The following KCNJ13 variants were observed in gnomAD, a reference collection of about 807,000 sequenced individuals.
KCNJ13 encodes inward rectifier potassium channel 13.
KCNJ13 carries 9 observed loss-of-function variants against 24.6 expected under a neutral mutation model. That is an observed-to-expected ratio of 0.37 (90% CI 0.22 to 0.64). The LOEUF (loss-of-function observed/expected upper bound fraction) is 0.64, where lower values mean the gene tolerates loss of function less well. Ranked by LOEUF, KCNJ13 falls within the 30% of genes least tolerant of loss-of-function variation. KCNJ13 has a pLI of 0.64. For synonymous variants in KCNJ13, 148 were observed against 154.7 expected (o/e 0.96, Z 0.32); for missense variants, 337 against 443.8 (o/e 0.76, Z 2.16).
At chr2:232,775,906 A>G (rs1699491563) in intron 1 of KCNJ13, among the ~76,000 whole-genome samples, 1 of 152,212 alleles carries the variant, frequency 6.6e-6, no homozygotes, top group Non-Finnish European at 1.5e-5. Context: ...GGCAAACACT[A>G]TTGAGTTCTA....
chr2:232,773,811 G>A (rs1051123057), intron 1 of KCNJ13, among the ~76,000 whole-genome samples: 2 of 150,884 alleles, frequency 1.3e-5, no homozygotes, highest in Non-Finnish European at 2.9e-5. Context: ...TTAAAAACGT[G>A]TCTGGCTCCC....
rs80042330 is a variant in KCNJ13 at position 232,766,556 on chromosome 2, A to G, written c.*1635T>C. On this transcript the variant is annotated 3_prime_UTR_variant, in exon 3 of 3. Coordinates refer to ENST00000233826, the MANE Select transcript of KCNJ13 (RefSeq NM_002242.4). ...ATTCTTGCTGTCTTTATGTGTTACA[A>G]TAGTCTTGGGTTGGGAAAATCTGTT... 0.013 allele frequency: 1,947 copies of G among 152,516 alleles called. 18 individuals carry two copies. The highest frequency in any genetic ancestry group is 0.021 in the Non-Finnish European group (1,443 of 68,228). The allele number at this position is 152,516 out of a possible 1,614,324, so 9.4% of individuals were successfully genotyped here.
intron 1 of KCNJ13, among the ~76,000 whole-genome samples, chr2:232,773,178 T>C (rs1422184808): frequency 6.6e-6 from 1 of 152,204 alleles, no homozygotes; most frequent in Non-Finnish European, 1.5e-5. Context: ...GTGTATTCTT[T>C]TTTCTTGGCA....
At position 232,767,901 on chromosome 2, in the gene KCNJ13, A is replaced by G. The variant is rs191388517; in HGVS notation, c.*290T>C. On this transcript the variant is annotated 3_prime_UTR_variant, in exon 3 of 3. Transcript: ENST00000233826. ...AAACTTCACTGTCCATTTTGCCTTCATTACTAGTATCATACCACATTCTTA... is the reference window on the plus strand; with the variant it reads ...AAACTTCACTGTCCATTTTGCCTTCGTTACTAGTATCATACCACATTCTTA... 53 of 377,224 alleles carry G rather than the reference A, an allele frequency of 1.4e-4. No individual in the cohort carries two copies. The East Asian group carries it at 3.0e-3, about 21-fold the overall frequency. The allele number at this position is 377,224 out of a possible 1,614,324, so 23.4% of individuals were successfully genotyped here.
At chr2:232,774,034 C>A (rs1699398714) in intron 1 of KCNJ13, among the ~76,000 whole-genome samples, 1 of 150,850 alleles carries the variant, frequency 6.6e-6, no homozygotes, top group Non-Finnish European at 1.5e-5. Context: ...GTAACACTAG[C>A]ACTTTGGGAC....
In KCNJ13 at chr2:232,768,307, G is replaced by C. The variant is rs1196144448; in HGVS notation, c.967C>G (p.Pro323Ala). The change falls in exon 3 of 3, where the codon CCT (proline) becomes GCT (alanine). Residue 323 changes from proline to alanine, a missense_variant. Physicochemically the swap from Pro to Ala is conservative, Grantham distance 27. Coordinates refer to ENST00000233826, the MANE Select transcript of KCNJ13 (RefSeq NM_002242.4). Reference protein sequence around the residue: ...IKMENFDKTVPEFPTPLVSKS... With the variant: ...IKMENFDKTVAEFPTPLVSKS... ...GAAACCAGAGGAGTTGGAAATTCAG[G>C]GACAGTCTTGTCAAAATTCTCCATC... is the stretch of plus-strand genomic sequence containing the variant. 6.2e-7 allele frequency: 1 copy of C among 1,614,102 alleles called. No homozygotes were observed. Among genetic ancestry groups the C allele is most frequent in the Non-Finnish European group, 8.5e-7 (1 of 1,180,002 alleles).
chr2:232,774,880 C>G (rs1476881598), intron 1 of KCNJ13, among the ~76,000 whole-genome samples: 1 of 152,154 alleles, frequency 6.6e-6, no homozygotes, highest in Non-Finnish European at 1.5e-5. Flanking sequence ...TAGACTGTAG[C>G]TAACAAAATT....
rs757867220 is a variant in KCNJ13, at chr2:232,768,626, T to A, written c.648A>T (p.Lys216Asn). ...GGAAATCCACACTGGTCTGGTAGAG[T>A]TTGCCATTTTCTCTTTCCTGATAGA... Reference protein sequence around the residue: ...AVLYQERENGKLYQTSVDFHL... With the variant: ...AVLYQERENGNLYQTSVDFHL... Residue 216 changes from lysine (K) to asparagine (N), a missense_variant, in exon 3 of 3, where the codon AAA (lysine) becomes AAT (asparagine). Transcript: ENST00000233826. 10 of 1,613,946 alleles carry A rather than the reference T, an allele frequency of 6.2e-6. No homozygotes were observed. Among genetic ancestry groups the A allele is most frequent in the Non-Finnish European group, 8.5e-6 (10 of 1,179,942 alleles).
At position 232,768,260 on chromosome 2, in the gene KCNJ13, G is replaced by A. The variant is rs752863162; in HGVS notation, c.1014C>T (p.Asp338=). ...TTTGTCCATTGATGTGGATATCCAG[G>A]TCAGTCCTGTTTGGGCTTTTAGAAA... ...PLVSKSPNRT[D]LDIHINGQSI... is the part of the protein sequence containing the mutation. Residue 338 remains aspartate (D), a synonymous_variant, in exon 3 of 3, where the codon GAC becomes GAT. Transcript: ENST00000233826. 1.2e-6 allele frequency: 2 copies of A among 1,613,758 alleles called. No individual in the cohort carries two copies. Among genetic ancestry groups the A allele is most frequent in the African/African-American group, 1.3e-5 (1 of 74,910 alleles).
rs547500883 is a variant in KCNJ13, at chr2:232,767,271, C to G, written c.*920G>C. 143 of 152,110 alleles carry G rather than the reference C, an allele frequency of 9.4e-4. 1 individual carries two copies. The highest frequency in any genetic ancestry group is 3.4e-3 in the African/African-American group (141 of 41,514). The allele number at this position is 152,110 out of a possible 1,614,324, so 9.4% of individuals were successfully genotyped here. The stretch of plus-strand genomic sequence containing the variant: ...CTGTAGATTTTTTTCCCTACTCACT[C>G]AAGTTATATCTAAGTAAAGCTTTAT... On this transcript the variant is annotated 3_prime_UTR_variant, in exon 3 of 3. Transcript: ENST00000233826.
intron 1 of KCNJ13, among the ~76,000 whole-genome samples, chr2:232,773,989 C>T (rs892661055): frequency 2.0e-5 from 3 of 147,726 alleles, no homozygotes; most frequent in Non-Finnish European, 4.5e-5. Context: ...TTACAGATAA[C>T]GAAAGTGAGG....
At chr2:232,776,265 T>G (rs1223330974) in intron 1 of KCNJ13, 180 bp downstream of exon 1, 50 of 493,050 alleles carry the variant, frequency 1.0e-4, no homozygotes. Flanking sequence ...AATATGGCTG[T>G]TATTGCATTT....
In KCNJ13 at chr2:232,768,744, ACTG is replaced by A. The variant is rs1433092922; in HGVS notation, c.527_529del (p.Ala176del). The A allele has an allele frequency of 1.9e-6, 3 of 1,601,512 alleles. No individual in the cohort carries two copies. Among genetic ancestry groups the A allele is most frequent in the African/African-American group, 1.3e-5 (1 of 74,612 alleles). On this transcript the variant is annotated inframe_deletion, in exon 3 of 3. Transcript: ENST00000233826. ...AGGTTTGCCATCCATGTGAGCTACT[ACTG>A]CTGTGTCAGTAAAGCGAATTGAAAA... is the stretch of plus-strand genomic sequence containing the variant.
intron 1 of KCNJ13, among the ~76,000 whole-genome samples, chr2:232,771,579 C>A (rs1026358113): frequency 1.3e-5 from 2 of 152,168 alleles, no homozygotes; most frequent in African/African-American, 4.8e-5. Context: ...CTTAAAATAT[C>A]TCTTCTATTG....
chr2:232,771,417 T>A, intron 1 of KCNJ13, 39 bp from the exon 2 acceptor site: 2 of 1,309,266 alleles, frequency 1.5e-6, no homozygotes, highest in Non-Finnish European at 2.2e-6. Context: ...TTAACTGTTT[T>A]ATAGTTAATG....
intron 2 of KCNJ13, among the ~76,000 whole-genome samples, chr2:232,769,311 A>T (rs961097094): frequency 6.6e-6 from 1 of 151,996 alleles, no homozygotes; most frequent in African/African-American, 2.4e-5. Flanking sequence ...CGGGCGGGTC[A>T]TTTGAGGTCA....
At position 232,768,193 on chromosome 2, in the gene KCNJ13, A is replaced by T. The variant is rs1201705876; in HGVS notation, c.1081T>A (p.Ter361LysextTer6). The T allele has an allele frequency of 6.2e-7, 1 of 1,614,058 alleles. No individual in the cohort carries two copies. Among genetic ancestry groups the T allele is most frequent in the Non-Finnish European group, 8.5e-7 (1 of 1,179,926 alleles). Residue 361 changes from the stop codon to lysine, a stop_lost, in exon 3 of 3, where the codon TAA (stop) becomes AAA (lysine). Transcript: ENST00000233826. ...FQISETGLTE[*>K] Reference sequence around the variant, plus strand: ...ATACATTAAAAAATGGATAAGTCTTATTCTGTCAGTCCTGTTTCAGAGATC... The same window carrying T: ...ATACATTAAAAAATGGATAAGTCTTTTTCTGTCAGTCCTGTTTCAGAGATC...
Position 232,766,735 on chromosome 2 carries a change from G to A in KCNJ13, c.*1456C>T, listed in dbSNP as rs948082701. 4.6e-5 allele frequency: 7 copies of A among 152,198 alleles called. No individual in the cohort carries two copies. The East Asian group carries it at 1.3e-3, about 29-fold the overall frequency. 9.4% of individuals were successfully genotyped at this position (152,198 alleles called of 1,614,324 possible). Reference sequence around the variant, plus strand: ...ATTTTCTTTTCCTTTTGGTCAAATAGTAGAAAAATGTGACTTGCTGCTGAG... The same window carrying A: ...ATTTTCTTTTCCTTTTGGTCAAATAATAGAAAAATGTGACTTGCTGCTGAG... On this transcript the variant is annotated 3_prime_UTR_variant, in exon 3 of 3. Coordinates refer to ENST00000233826, the MANE Select transcript of KCNJ13 (RefSeq NM_002242.4).
intron 1 of KCNJ13, among the ~76,000 whole-genome samples, chr2:232,773,838 G>A (rs780226200): frequency 1.3e-5 from 2 of 149,698 alleles, no homozygotes; most frequent in African/African-American, 4.9e-5. Context: ...TCGGGAGGCC[G>A]AGACAGGAGG....
Sources: allele counts gnomAD v4.1 joint callset (sites outside exome capture counted in the v4.1 genomes callset), GRCh38; gene constraint gnomAD v4.1.1; transcripts MANE v1.5; gene names NCBI Gene and HGNC (gene_info 2026-07-23, HGNC 2026-07-21).